ARHGAP29: variants seen among roughly 807,000 people sequenced by gnomAD.
The protein encoded by ARHGAP29 is rho GTPase-activating protein 29.
A neutral mutation model predicts 122.6 loss-of-function variants in ARHGAP29; 43 were observed. The observed-to-expected ratio is 0.35, with a 90% CI of 0.27 to 0.45. The LOEUF is 0.45. ARHGAP29 is among the 20% of genes least tolerant of loss of function. ARHGAP29 has a pLI of 1.00. For missense variants in ARHGAP29, 1,303 were observed against 1,477.2 expected (o/e 0.88, Z 1.93); for synonymous variants, 506 against 497.1 (o/e 1.02, Z -0.24).
In ARHGAP29 at chr1:94,173,219, T is replaced by G. The variant is rs1382163274; in HGVS notation, c.*650A>C. On this transcript the variant is annotated 3_prime_UTR_variant, in exon 23 of 23. Transcript: ENST00000260526. ...TAGAAACAGGTTTAAGTGCATTTTC[T>G]TTGTACAACTGACTATCACATGTAA... The G allele has an allele frequency of 6.6e-6, 1 of 152,652 alleles. No homozygotes were observed. Among genetic ancestry groups the G allele is most frequent in the Non-Finnish European group, 1.5e-5 (1 of 68,012 alleles). The allele number at this position is 152,652 out of a possible 1,614,324, so 9.5% of individuals were successfully genotyped here.
At chr1:94,178,467 T>TC (rs1649251796) in intron 20 of ARHGAP29, among the ~76,000 whole-genome samples, 1 of 150,874 alleles carries the variant, frequency 6.6e-6, no homozygotes, top group Non-Finnish European at 1.5e-5. Context: ...TGGTATATCC[T>TC]CCCAAGTCCT....
Position 94,188,917 on chromosome 1 carries a change from G to A in ARHGAP29, c.1601C>T (p.Thr534Ile). 1 of 1,612,942 alleles carries A rather than the reference G, an allele frequency of 6.2e-7. No individual in the cohort carries two copies. The change falls in exon 15 of 23, where the codon ACA becomes ATA. Residue 534 changes from threonine to isoleucine, a missense_variant. Physicochemically the swap from Thr to Ile is moderately conservative, Grantham distance 89. This residue lies in a region of ARHGAP29 where 592 missense variants were observed against 648.2 expected (regional missense o/e 0.91). Transcript: ENST00000260526. The part of the protein sequence containing the change: ...ITGPSFIRSW[T>I]FGMFSDSEST... ...CTCAGAATCACTAAACATCCCAAAT[G>A]TCCATGATCTTATAAAGGAAGGACC...
In ARHGAP29 at chr1:94,220,412, T is replaced by G; in HGVS notation, c.206-20A>C. On this transcript the variant is annotated intron_variant, in intron 2 of 22. Transcript: ENST00000260526. ...AACAGTCTTTAAAAAGAAAAAAAAA[T>G]AATTTATTTCCAGAGCAAAGTTCCA... 1.3e-6 allele frequency: 2 copies of G among 1,546,812 alleles called. No homozygotes were observed. The highest frequency in any genetic ancestry group is 1.7e-6 in the Non-Finnish European group (2 of 1,143,182).
At chr1:94,241,724 TAATA>T (rs1653592347), upstream of ARHGAP29, among the ~76,000 whole-genome samples, 1 of 10,350 alleles carries the variant, frequency 9.7e-5, no homozygotes, top group African/African-American at 2.5e-4. Flanking sequence ...AATTTATATA[TAATA>T]TATATTTATA....
intron 1 of ARHGAP29, among the ~76,000 whole-genome samples, chr1:94,253,110 A>T (rs577814816): frequency 6.6e-6 from 1 of 152,148 alleles, no homozygotes; most frequent in Non-Finnish European, 1.5e-5. Context: ...AGCTGGGACT[A>T]CAGGTGCATG....
chr1:94,297,736 G>T, the ARHGAP29 span, among the ~76,000 whole-genome samples: 1 of 152,166 alleles, frequency 6.6e-6, no homozygotes. Flanking sequence ...GAACTTGGGG[G>T]TTCTTGTTGG....
the ARHGAP29 span, among the ~76,000 whole-genome samples, chr1:94,280,462 T>G: frequency 0.25 from 37,606 of 152,022 alleles, 5,664 homozygotes; most frequent in Middle Eastern, 0.42. Context: ...AAAAATAAAT[T>G]AAAATTTTAA....
chr1:94,286,014 A>G, the ARHGAP29 span, among the ~76,000 whole-genome samples: 1 of 152,212 alleles, frequency 6.6e-6, no homozygotes, highest in East Asian at 1.9e-4. Context: ...ACACTGTCTT[A>G]GTCAGCGTGG....
intron 19 of ARHGAP29, among the ~76,000 whole-genome samples, chr1:94,181,791 A>G (rs899172442): frequency 6.6e-6 from 1 of 152,246 alleles, no homozygotes; most frequent in African/African-American, 2.4e-5. Context: ...TGTGCTATTA[A>G]TATGGTGGCC....
the ARHGAP29 span, among the ~76,000 whole-genome samples, chr1:94,291,858 A>G: frequency 2.2e-4 from 34 of 152,264 alleles, no homozygotes; most frequent in South Asian, 3.5e-3. Context: ...TGGGTAACCC[A>G]ACCCTTCTCT....
At chr1:94,202,159 T>C (rs1170427199) in intron 11 of ARHGAP29, 2 of 442,346 alleles carry the variant, frequency 4.5e-6, no homozygotes, top group African/African-American at 4.1e-5. Context: ...AAAATTACAT[T>C]TCATCAATAA....
chr1:94,182,844 A>AACAAC (rs1280228827), intron 19 of ARHGAP29, among the ~76,000 whole-genome samples: 2 of 151,516 alleles, frequency 1.3e-5, no homozygotes, highest in Non-Finnish European at 2.9e-5. Context: ...AACAAAACAA[A>AACAAC]ACAAAACAGG....
chr1:94,276,572 G>A (rs557592748), upstream of ARHGAP29, among the ~76,000 whole-genome samples: 5 of 151,744 alleles, frequency 3.3e-5, no homozygotes, highest in East Asian at 1.9e-4. Flanking sequence ...CTTTAGCCCA[G>A]GAGTTTGAGA....
chr1:94,182,351 A>T (rs770659343), intron 19 of ARHGAP29, among the ~76,000 whole-genome samples: 17 of 152,140 alleles, frequency 1.1e-4, no homozygotes, highest in Non-Finnish European at 1.5e-5. Context: ...GTATCCAAAT[A>T]AGAGTTCCAG....
chr1:94,272,554 A>G (rs556706370), intron 1 of ARHGAP29, among the ~76,000 whole-genome samples: 132 of 152,326 alleles, frequency 8.7e-4, no homozygotes, highest in African/African-American at 2.5e-3. Context: ...AGGCTGGTCC[A>G]AGCCAGTGAT....
chr1:94,231,619 T>C lies in ARHGAP29; in HGVS notation c.-8A>G, dbSNP rs1292303585. 6 of 1,609,894 alleles carry C rather than the reference T, an allele frequency of 3.7e-6. No individual in the cohort carries two copies. Among genetic ancestry groups the C allele is most frequent in the South Asian group, 2.2e-5 (2 of 90,004 alleles). ...CTGTTTGTGAGCAATCATCCTTTCATGTAACAGTCAGAAAAACTGAAATCC... is the reference window on the plus strand; with the variant it reads ...CTGTTTGTGAGCAATCATCCTTTCACGTAACAGTCAGAAAAACTGAAATCC... On this transcript the variant is annotated 5_prime_UTR_variant, in exon 2 of 23. The change abolishes an upstream ATG in the 5' untranslated region. Coordinates refer to ENST00000260526, the MANE Select transcript of ARHGAP29 (RefSeq NM_004815.4).
chr1:94,248,850 G>T (rs1306658078), intron 1 of ARHGAP29, among the ~76,000 whole-genome samples: 1 of 151,728 alleles, frequency 6.6e-6, no homozygotes, highest in Non-Finnish European at 1.5e-5. Flanking sequence ...CTACAGGCTT[G>T]TGTCACCACA....
chr1:94,296,796 A>G, the ARHGAP29 span, among the ~76,000 whole-genome samples: 5 of 152,258 alleles, frequency 3.3e-5, no homozygotes, highest in Non-Finnish European at 7.3e-5. Flanking sequence ...AAGCTAGAGC[A>G]GGGCAAACTG....
chr1:94,201,506 T>TTCTC (rs111304569), intron 12 of ARHGAP29, among the ~76,000 whole-genome samples: 27 of 141,408 alleles, frequency 1.9e-4, no homozygotes, highest in African/African-American at 7.0e-4. Context: ...CCTTCCTTCC[T>TTCTC]TCTCTCTCTC....
Sources: allele counts gnomAD v4.1 joint callset (sites outside exome capture counted in the v4.1 genomes callset), GRCh38; gene constraint gnomAD v4.1.1; regional missense constraint gnomAD v4.1.1; transcripts MANE v1.5; gene names NCBI Gene and HGNC (gene_info 2026-07-23, HGNC 2026-07-21).